The following SLC5A10 variants were observed in gnomAD, a reference collection of about 807,000 sequenced individuals.
SLC5A10 encodes solute carrier family 5 member 10.
Under a neutral mutation model 68.9 loss-of-function variants are expected in SLC5A10, and 55 were observed. That is an observed-to-expected ratio of 0.80 (90% CI 0.64 to 1.00). SLC5A10 has a LOEUF of 1.00. Ranked by LOEUF, SLC5A10 falls within the 50% of genes least tolerant of loss-of-function variation. SLC5A10 has a pLI of 0.00. For missense variants in SLC5A10, 732 were observed against 819.3 expected, an observed-to-expected ratio of 0.89 and a Z score of 1.30; for synonymous variants, 344 against 344.8, an observed-to-expected ratio of 1.00 and a Z score of 0.02.
intron 11 of SLC5A10, among the ~76,000 whole-genome samples, chr17:19,015,799 G>C (rs1219767047): frequency 1.3e-5 from 2 of 152,156 alleles, no homozygotes; most frequent in Non-Finnish European, 2.9e-5. Flanking sequence ...TCTTCCCACA[G>C]CACATGTGGC....
chr17:18,982,199 TA>T (rs1433313571), intron 9 of SLC5A10, among the ~76,000 whole-genome samples: 2 of 152,190 alleles, frequency 1.3e-5, no homozygotes, highest in East Asian at 3.9e-4. Context: ...TGCTGGGCCT[TA>T]GTCTCCCTTA....
intron 9 of SLC5A10, chr17:18,988,266 A>C (rs760511405): frequency 6.2e-7 from 1 of 1,612,682 alleles, no homozygotes; most frequent in Non-Finnish European, 8.5e-7. Context: ...CCCCAGGTGC[A>C]TGCAGGCCCG....
chr17:19,015,031 T>TC lies in SLC5A10; in HGVS notation c.1091-13dup. ...TCTCAAGGCCGGACAGGGTCACACATCCCCCGTCCCACCCCAGGTCTGCGG... is the reference window on the plus strand; with the variant it reads ...TCTCAAGGCCGGACAGGGTCACACATCCCCCCGTCCCACCCCAGGTCTGCGG... On this transcript the variant is annotated splice_polypyrimidine_tract_variant and intron_variant, in intron 10 of 14. Transcript: ENST00000395645. The TC allele has an allele frequency of 6.2e-7, 1 of 1,609,164 alleles. No individual in the cohort carries two copies. Among genetic ancestry groups the TC allele is most frequent in the Non-Finnish European group, 8.5e-7 (1 of 1,176,448 alleles).
chr17:18,975,557 G>C (rs1170908497), intron 8 of SLC5A10, among the ~76,000 whole-genome samples: 1 of 152,152 alleles, frequency 6.6e-6, no homozygotes, highest in South Asian at 2.1e-4. Context: ...AGCCGGGCGT[G>C]GTGGCTCATG....
chr17:18,952,174 G>A lies in SLC5A10; in HGVS notation c.-32G>A. 1 of 1,602,468 alleles carries A rather than the reference G, an allele frequency of 6.2e-7. No homozygotes were observed. Among genetic ancestry groups the A allele is most frequent in the Non-Finnish European group, 8.5e-7 (1 of 1,174,872 alleles). On this transcript the variant is annotated 5_prime_UTR_variant, in exon 1 of 15. Transcript: ENST00000395645. The stretch of plus-strand genomic sequence containing the variant: ...ACCTGGTTTGCCCCTCAGTCCCTCG[G>A]GCTCATACCTAGTGCCTGCGGCAGG...
chr17:18,971,563 C>T lies in SLC5A10; in HGVS notation c.846+345C>T, dbSNP rs201776196. On this transcript the variant is annotated intron_variant, in intron 8 of 14. Coordinates refer to ENST00000395645, the MANE Select transcript of SLC5A10 (RefSeq NM_001042450.4). This position sits in a 1 kb window ranked among gnomAD's most constrained non-coding sequence, Gnocchi z 5.5. ...GGGCCAGTCTTGGGCTGCCGGGATC[C>T]GGAAGCAGGCGGGGTACCTGACCTC... is the stretch of plus-strand genomic sequence containing the variant. 215 of 1,613,770 alleles carry T rather than the reference C, an allele frequency of 1.3e-4. No individual in the cohort carries two copies. The African/African-American group carries it at 1.9e-3, about 14-fold the overall frequency.
chr17:19,016,792 G>A (rs1042972296), intron 11 of SLC5A10, among the ~76,000 whole-genome samples: 9 of 152,138 alleles, frequency 5.9e-5, no homozygotes, highest in Admixed American at 2.6e-4. Flanking sequence ...GAAGCTGTGT[G>A]GCCTGGGGAA....
intron 9 of SLC5A10, 148 bp downstream of exon 9, chr17:18,977,137 ACAAT>A (rs1338149651): frequency 9.3e-7 from 1 of 1,073,588 alleles, no homozygotes; most frequent in East Asian, 2.6e-5. Context: ...CCTCAGGGCC[ACAAT>A]CAAAGGGATT....
In SLC5A10 at chr17:19,021,045, T is replaced by C. The variant is rs1184343572; in HGVS notation, c.*614T>C. On this transcript the variant is annotated 3_prime_UTR_variant, in exon 15 of 15. Transcript: ENST00000395645. The surrounding 1 kb of genome is among the most constrained non-coding windows in gnomAD (Gnocchi z 4.1). ...ATATCCCTGATCATGGCACATTCTC[T>C]GGAGGACCCTCCTGTTCTCGGGTAG... is the stretch of plus-strand genomic sequence containing the variant. 1.3e-5 allele frequency: 2 copies of C among 152,744 alleles called. No individual in the cohort carries two copies. Among genetic ancestry groups the C allele is most frequent in the African/African-American group, 4.8e-5 (2 of 41,446 alleles). 9.5% of individuals were successfully genotyped at this position (152,744 alleles called of 1,614,324 possible).
rs2152143214 is a variant in SLC5A10, at chr17:19,003,730, C to A, written c.983-9680C>A. The A allele has an allele frequency of 1.9e-6, 3 of 1,604,620 alleles. No homozygotes were observed. The highest frequency in any genetic ancestry group is 2.6e-6 in the Non-Finnish European group (3 of 1,175,536). On this transcript the variant is annotated intron_variant, in intron 9 of 14. Transcript: ENST00000395645. The surrounding 1 kb of genome is among the most constrained non-coding windows in gnomAD (Gnocchi z 4.5). Reference sequence around the variant, plus strand: ...GCTCGGCCTCGATGGGGACCCCATCCGCCCCGCTGGCTTCCTCGCCGTCGC... The same window carrying A: ...GCTCGGCCTCGATGGGGACCCCATCAGCCCCGCTGGCTTCCTCGCCGTCGC...
chr17:18,971,086 C>T lies in SLC5A10; in HGVS notation c.714C>T (p.Ala238=). Reference sequence around the variant, plus strand: ...AGGCCATTCCCTCCAGGACCATTGCCAACACCACCTGCCACCTGCCACGTA... The same window carrying T: ...AGGCCATTCCCTCCAGGACCATTGCTAACACCACCTGCCACCTGCCACGTA... ...YAQAIPSRTI[A]NTTCHLPRTD... Residue 238 remains alanine, a synonymous_variant, in exon 8 of 15, where the codon GCC becomes GCT. Coordinates refer to ENST00000395645, the MANE Select transcript of SLC5A10 (RefSeq NM_001042450.4). The surrounding 1 kb of genome is among the most constrained non-coding windows in gnomAD (Gnocchi z 5.5). 6.2e-7 allele frequency: 1 copy of T among 1,614,118 alleles called. No individual in the cohort carries two copies.
intron 9 of SLC5A10, among the ~76,000 whole-genome samples, chr17:19,005,996 G>A (rs1213587377): frequency 6.6e-6 from 1 of 152,168 alleles, no homozygotes; most frequent in East Asian, 1.9e-4. Context: ...TCTCTGAGCC[G>A]CCTCAGCTTC....
At chr17:18,977,896 G>A (rs775766698) in intron 9 of SLC5A10, 4 of 1,610,892 alleles carry the variant, frequency 2.5e-6, no homozygotes, top group Admixed American at 1.7e-5. Flanking sequence ...CCTGGTCACT[G>A]AGGGTTACGT....
Position 19,004,688 on chromosome 17 carries a change from G to A in SLC5A10, c.983-8722G>A, listed in dbSNP as rs1390957501. On this transcript the variant is annotated intron_variant, in intron 9 of 14. Transcript: ENST00000395645. The surrounding 1 kb of genome is among the most constrained non-coding windows in gnomAD (Gnocchi z 5.4). ...CCCCGCGAGACCCGGGATCCGGGGG[G>A]CGCGGCCGGGACTTGCTTACCGAGC... 5 of 151,698 alleles carry A rather than the reference G, an allele frequency of 3.3e-5. No individual in the cohort carries two copies. Among genetic ancestry groups the A allele is most frequent in the Non-Finnish European group, 5.9e-5 (4 of 67,814 alleles). The allele number at this position is 151,698 out of a possible 1,614,324, so 9.4% of individuals were successfully genotyped here.
At chr17:18,984,503 G>A (rs981091863) in intron 9 of SLC5A10, among the ~76,000 whole-genome samples, 1 of 152,214 alleles carries the variant, frequency 6.6e-6, no homozygotes, top group African/African-American at 2.4e-5. Flanking sequence ...GAGCGGCAGC[G>A]ATCCTCACTT....
intron 1 of SLC5A10, 97 bp from the exon 2 acceptor site, chr17:18,958,585 T>C: frequency 3.0e-6 from 3 of 984,238 alleles, no homozygotes; most frequent in Non-Finnish European, 4.8e-6. Flanking sequence ...GGTGATTCTA[T>C]GCGTAACCTT....
At chr17:18,956,465 G>GTTTTTTTTTTTTTTTTTTTTCTT (rs2042504156) in intron 1 of SLC5A10, among the ~76,000 whole-genome samples, 2 of 98,010 alleles carry the variant, frequency 2.0e-5, no homozygotes, top group African/African-American at 3.8e-5. Context: ...TTTTCTTTCT[G>GTTTTTTTTTTTTTTTTTTTTCTT]TTTTTTTTTT....
chr17:19,021,807 G>T lies in SLC5A10; in HGVS notation c.*1376G>T, dbSNP rs2044268423. ...GGGGACCTGGGCCATCCCAGTTTGT[G>T]CAGAGCGGCCGGAGGCAGTTAGGAG... On this transcript the variant is annotated 3_prime_UTR_variant, in exon 15 of 15. Coordinates refer to ENST00000395645, the MANE Select transcript of SLC5A10 (RefSeq NM_001042450.4). The surrounding 1 kb of genome is among the most constrained non-coding windows in gnomAD (Gnocchi z 4.1). 1 of 719,102 alleles carries T rather than the reference G, an allele frequency of 1.4e-6. No individual in the cohort carries two copies. The highest frequency in any genetic ancestry group is 2.0e-6 in the Non-Finnish European group (1 of 504,900). The allele number at this position is 719,102 out of a possible 1,614,324, so 44.5% of individuals were successfully genotyped here. A position where few individuals can be genotyped will look rare whatever the true frequency, so the allele number is the denominator to read the frequency against.
chr17:18,951,890 T>G (rs1014228161), upstream of SLC5A10: 9 of 329,212 alleles, frequency 2.7e-5, no homozygotes, highest in African/African-American at 1.9e-4. Context: ...CTATTTGGGC[T>G]GCCTCCGGGT....
Sources: allele counts gnomAD v4.1 joint callset (sites outside exome capture counted in the v4.1 genomes callset), GRCh38; gene constraint gnomAD v4.1.1; non-coding constraint Gnocchi (gnomAD v3.1); transcripts MANE v1.5; gene names NCBI Gene and HGNC (gene_info 2026-07-23, HGNC 2026-07-21).